The following ZFYVE28 variants were observed in gnomAD, a reference collection of about 807,000 sequenced individuals.
ZFYVE28 encodes the protein lateral signaling target protein 2 homolog.
ZFYVE28 carries 40 observed loss-of-function variants against 82.1 expected under a neutral mutation model. The ratio of observed to expected loss-of-function variants is 0.49; its 90% CI spans 0.38 to 0.63. ZFYVE28 has a LOEUF of 0.63. Ranked by LOEUF, ZFYVE28 falls within the 30% of genes least tolerant of loss-of-function variation. The probability of loss-of-function intolerance (pLI) is 0.00; values close to 1 mark genes in which losing one functional copy is unlikely to be tolerated. For missense variants in ZFYVE28, 1,321 were observed against 1,242.1 expected (o/e 1.06, Z -0.96); for synonymous variants, 612 against 546.1 (o/e 1.12, Z -1.68).
rs1732272657 is a variant in ZFYVE28, at chr4:2,409,387, T to C, written c.39+8898A>G. Among the ~76,000 whole-genome samples the C allele has an allele frequency of 6.6e-6, 1 of 152,088 alleles. No individual in the cohort carries two copies. The highest frequency in any genetic ancestry group is 1.5e-5 in the Non-Finnish European group (1 of 68,000). On this transcript the variant is annotated intron_variant, in intron 1 of 12. Transcript: ENST00000290974. This position sits in a 1 kb window ranked among gnomAD's most constrained non-coding sequence, Gnocchi z 4.4. ...CCTGGAAGGACCCCGCAAACAGCAG[T>C]GCTGACCCCATCATGCCCCCACCTT...
chr4:2,392,572 A>G (rs1454345707), intron 1 of ZFYVE28, among the ~76,000 whole-genome samples: 1 of 152,238 alleles, frequency 6.6e-6, no homozygotes, highest in African/African-American at 2.4e-5. Flanking sequence ...CATCCTCTAC[A>G]GTGAATAAAA....
intron 1 of ZFYVE28, among the ~76,000 whole-genome samples, chr4:2,354,275 T>G (rs982791136): frequency 9.9e-5 from 15 of 152,032 alleles, no homozygotes; most frequent in African/African-American, 3.6e-4. Context: ...GCTCAACCCC[T>G]GATTCAAGGG....
intron 7 of ZFYVE28, among the ~76,000 whole-genome samples, chr4:2,319,269 C>G (rs923691403): frequency 6.6e-6 from 1 of 152,106 alleles, no homozygotes; most frequent in African/African-American, 2.4e-5. Flanking sequence ...TCCCCCCAAG[C>G]AGGAGGAAAG....
At chr4:2,371,813 G>A (rs1012211582) in intron 1 of ZFYVE28, among the ~76,000 whole-genome samples, 8 of 152,370 alleles carry the variant, frequency 5.3e-5, no homozygotes, top group East Asian at 1.9e-4. Context: ...GCCACGCTGC[G>A]GGTTCAGTCC....
chr4:2,297,693 T>G (rs1714812731), intron 8 of ZFYVE28, among the ~76,000 whole-genome samples: 1 of 152,058 alleles, frequency 6.6e-6, no homozygotes. Context: ...GGTGACACGG[T>G]GATATAGCGA....
In ZFYVE28 at chr4:2,332,420, C is replaced by T. The variant is rs1215586889; in HGVS notation, c.701+3285G>A. 6.6e-6 allele frequency among the ~76,000 whole-genome samples: 1 copy of T among 152,182 alleles called. No individual in the cohort carries two copies. Among genetic ancestry groups the T allele is most frequent in the Non-Finnish European group, 1.5e-5 (1 of 68,010 alleles). ...CTGCCTGCCACCTGCACAGCTCCCA[C>T]CTCTGGGCCGGCTGCCCTGGGGAGC... On this transcript the variant is annotated intron_variant, in intron 6 of 12. Coordinates refer to ENST00000290974, the MANE Select transcript of ZFYVE28 (RefSeq NM_020972.3). The surrounding 1 kb of genome is among the most constrained non-coding windows in gnomAD (Gnocchi z 4.7).
chr4:2,403,797 T>C (rs1456618156), intron 1 of ZFYVE28, among the ~76,000 whole-genome samples: 1 of 151,852 alleles, frequency 6.6e-6, no homozygotes, highest in Middle Eastern at 3.4e-3. Flanking sequence ...AAACCCCGTC[T>C]CTACTAAAAA....
intron 7 of ZFYVE28, among the ~76,000 whole-genome samples, chr4:2,309,201 T>C (rs1191080146): frequency 6.6e-6 from 1 of 152,196 alleles, no homozygotes; most frequent in Admixed American, 6.5e-5. Context: ...AGGTTGCCTC[T>C]TGTGTTTGGC....
At chr4:2,325,539 T>C (rs80320958) in intron 6 of ZFYVE28, among the ~76,000 whole-genome samples, 3,372 of 152,100 alleles carry the variant, frequency 0.022, 127 homozygotes, top group African/African-American at 0.077. Flanking sequence ...TGGAAATGTA[T>C]ATTCAGTTCC....
chr4:2,272,619 C>T (rs116186714), intron 10 of ZFYVE28, among the ~76,000 whole-genome samples: 2 of 152,224 alleles, frequency 1.3e-5, no homozygotes, highest in Non-Finnish European at 2.9e-5. Flanking sequence ...TGCCTGTGTG[C>T]TTCTGCTGTG....
intron 1 of ZFYVE28, among the ~76,000 whole-genome samples, chr4:2,359,676 T>G (rs1430962162): frequency 1.3e-5 from 2 of 152,190 alleles, no homozygotes; most frequent in African/African-American, 4.8e-5. Flanking sequence ...AATACATTCC[T>G]ACCGTTCCGG....
chr4:2,331,218 C>G (rs1446350940), intron 6 of ZFYVE28, among the ~76,000 whole-genome samples: 3 of 151,888 alleles, frequency 2.0e-5, no homozygotes, highest in Non-Finnish European at 4.4e-5. Context: ...GGAAGCGTCG[C>G]ACACACACAG....
Position 2,372,622 on chromosome 4 carries a change from G to T in ZFYVE28, c.40-18549C>A, listed in dbSNP as rs1358497828. 6.6e-6 allele frequency among the ~76,000 whole-genome samples: 1 copy of T among 152,172 alleles called. No individual in the cohort carries two copies. The highest frequency in any genetic ancestry group is 1.9e-4 in the East Asian group (1 of 5,198). ...GGGTTCTGAACAGGGCCTGGATTCTGGGAAGGGACCTGATGAGGGAGGGCC... is the reference window on the plus strand; with the variant it reads ...GGGTTCTGAACAGGGCCTGGATTCTTGGAAGGGACCTGATGAGGGAGGGCC... On this transcript the variant is annotated intron_variant, in intron 1 of 12. Coordinates refer to ENST00000290974, the MANE Select transcript of ZFYVE28 (RefSeq NM_020972.3). This position sits in a 1 kb window ranked among gnomAD's most constrained non-coding sequence, Gnocchi z 5.2.
chr4:2,298,032 T>A (rs569615711), intron 8 of ZFYVE28, among the ~76,000 whole-genome samples: 2 of 136,992 alleles, frequency 1.5e-5, no homozygotes, highest in African/African-American at 5.6e-5. Context: ...GACAGTGGGG[T>A]GACATGGTGA....
intron 1 of ZFYVE28, among the ~76,000 whole-genome samples, chr4:2,382,667 G>T (rs1381650149): frequency 6.6e-6 from 1 of 152,208 alleles, no homozygotes; most frequent in East Asian, 1.9e-4. Flanking sequence ...ATAGGCAGAA[G>T]GGTACTTGCC....
chr4:2,318,494 C>T (rs1475975826), intron 7 of ZFYVE28, among the ~76,000 whole-genome samples: 1 of 152,190 alleles, frequency 6.6e-6, no homozygotes, highest in Non-Finnish European at 1.5e-5. Context: ...GAGGCGGAGA[C>T]TGCAGTGAGC....
chr4:2,395,562 C>T (rs988420747), intron 1 of ZFYVE28, among the ~76,000 whole-genome samples: 4 of 152,228 alleles, frequency 2.6e-5, no homozygotes, highest in African/African-American at 7.2e-5. Context: ...AGGTGCAATG[C>T]ACACCAGTCA....
chr4:2,312,133 C>A (rs1717549931), intron 7 of ZFYVE28, among the ~76,000 whole-genome samples: 2 of 152,134 alleles, frequency 1.3e-5, no homozygotes, highest in Non-Finnish European at 2.9e-5. Flanking sequence ...TGGTCTCGAA[C>A]TCCTGGGCTC....
chr4:2,393,590 A>G (rs528092163), intron 1 of ZFYVE28, among the ~76,000 whole-genome samples: 14 of 152,332 alleles, frequency 9.2e-5, no homozygotes, highest in Non-Finnish European at 1.8e-4. Flanking sequence ...TGGCAGCCAC[A>G]TGTAGCCCTG....
Sources: gnomAD v4.1 joint callset for allele counts (sites outside exome capture counted in the v4.1 genomes callset) on GRCh38, gnomAD v4.1.1 for gene constraint, Gnocchi (gnomAD v3.1) non-coding constraint, MANE v1.5 for transcripts, NCBI Gene and HGNC (gene_info 2026-07-23, HGNC 2026-07-21) for gene names.